BAX: variants seen among roughly 807,000 people sequenced by gnomAD.
BAX encodes apoptosis regulator BAX.
A neutral mutation model predicts 26.8 loss-of-function variants in BAX; 21 were observed. The observed-to-expected ratio is 0.78, with a 90% CI of 0.56 to 1.13. BAX has a LOEUF of 1.13. Ranked by LOEUF, BAX falls within the 50% of genes most tolerant of loss-of-function variation. The pLI is 0.00. For synonymous variants in BAX, 110 were observed against 101.8 expected, an observed-to-expected ratio of 1.08 and a Z score of -0.49; for missense variants, 236 against 254.6, an observed-to-expected ratio of 0.93 and a Z score of 0.50.
chr19:48,960,949 G>A (rs141194773), intron 5 of BAX, 35 bp downstream of exon 5: 15 of 1,612,576 alleles, frequency 9.3e-6, no homozygotes, highest in Middle Eastern at 1.7e-4. Flanking sequence ...CCCCACCACC[G>A]CGCCCTCACC....
chr19:48,961,263 TC>T (rs200173550), intron 5 of BAX: 15 of 1,405,298 alleles, frequency 1.1e-5, no homozygotes, highest in Admixed American at 2.9e-5. Context: ...TTTTTTTTTT[TC>T]CCCACTGAGA....
Position 48,960,915 on chromosome 19 carries a change from G to T in BAX, c.474+1G>T. On this transcript the variant is annotated splice_donor_variant, in intron 5 of 5. Transcript: ENST00000345358. LOFTEE classifies it high-confidence loss of function. ...CTGGATCCAAGACCAGGGTGGTTGG[G>T]TGAGACTCCTCAAGCCTCCTCACCC... The T allele has an allele frequency of 6.2e-7, 1 of 1,613,918 alleles. No homozygotes were observed. Among genetic ancestry groups the T allele is most frequent in the Non-Finnish European group, 8.5e-7 (1 of 1,179,984 alleles).
chr19:48,961,590 CG>C lies in BAX; in HGVS notation c.536del (p.Gly179GlufsTer62). On this transcript the variant is annotated frameshift_variant, in exon 6 of 6. Transcript: ENST00000345358. LOFTEE classifies it high-confidence loss of function. ...PTWQTVTIFVAGVLTASLTIW... is the reference protein window; with the variant it reads ...PTWQTVTIFVXGVLTASLTIW... ...TGGCAGACCGTGACCATCTTTGTGG[CG>C]GGAGTGCTCACCGCCTCACTCACCA... 1 of 1,604,182 alleles carries C rather than the reference CG, an allele frequency of 6.2e-7. No homozygotes were observed. Among genetic ancestry groups the C allele is most frequent in the Non-Finnish European group, 8.5e-7 (1 of 1,175,224 alleles).
intron 3 of BAX, 84 bp from the exon 4 acceptor site, chr19:48,956,114 A>C (rs2038118483): frequency 1.4e-6 from 2 of 1,422,886 alleles, no homozygotes; most frequent in Non-Finnish European, 1.9e-6. Flanking sequence ...CAGTCTCCTT[A>C]TCTTTAGTGT....
chr19:48,960,105 GT>G, intron 4 of BAX: 1 of 340,150 alleles, frequency 2.9e-6, no homozygotes, highest in Non-Finnish European at 5.8e-6. Context: ...GTGCCTTCGG[GT>G]CTTCATCCTG....
chr19:48,955,720 G>C lies in BAX; in HGVS notation c.120G>C (p.Gly40=), dbSNP rs772133190. 4 of 1,612,800 alleles carry C rather than the reference G, an allele frequency of 2.5e-6. No homozygotes were observed. In the Admixed American group the frequency reaches 6.7e-5, roughly 27 times the overall value. ...AGGATCGAGCAGGGCGAATGGGGGG[G>C]GAGGCACCCGAGCTGGCCCTGGACC... is the stretch of plus-strand genomic sequence containing the variant. The part of the protein sequence containing the change: ...FIQDRAGRMG[G]EAPELALDPV... The change falls in exon 3 of 6, where the codon GGG becomes GGC. Residue 40 remains glycine, a synonymous_variant. Coordinates refer to ENST00000345358, the MANE Select transcript of BAX (RefSeq NM_138761.4).
At chr19:48,961,299 T>A in intron 5 of BAX, 1 of 1,401,112 alleles carries the variant, frequency 7.1e-7, no homozygotes, top group Non-Finnish European at 9.4e-7. Flanking sequence ...GTTGCCCAGG[T>A]TGGTCTCGAA....
At position 48,961,749 on chromosome 19, in the gene BAX, G is replaced by C; in HGVS notation, c.*113G>C. ...TTCTTACTTTTGTAATTATTGGGGG[G>C]TGTGGGGAAGAGTGGTCTTGAGGGG... is the stretch of plus-strand genomic sequence containing the variant. On this transcript the variant is annotated 3_prime_UTR_variant, in exon 6 of 6. Transcript: ENST00000345358. 9 of 923,190 alleles carry C rather than the reference G, an allele frequency of 9.7e-6. No homozygotes were observed. Among genetic ancestry groups the C allele is most frequent in the South Asian group, 1.6e-5 (1 of 63,422 alleles). The allele number at this position is 923,190 out of a possible 1,614,324, so 57.2% of individuals were successfully genotyped here.
intron 4 of BAX, among the ~76,000 whole-genome samples, chr19:48,958,345 ATTT>A (rs34043541): frequency 1.7e-3 from 108 of 64,458 alleles, no homozygotes; most frequent in African/African-American, 5.0e-3. Flanking sequence ...TTTTTGGAAG[ATTT>A]TTTTTTTTTT....
intron 5 of BAX, 142 bp downstream of exon 5, chr19:48,961,056 T>A: frequency 6.2e-7 from 1 of 1,609,808 alleles, no homozygotes; most frequent in East Asian, 2.2e-5. Flanking sequence ...CATCTTCAGA[T>A]CATCAGATGT....
At chr19:48,961,359 T>A in intron 5 of BAX, 173 bp from the exon 6 acceptor site, 1 of 1,268,004 alleles carries the variant, frequency 7.9e-7, no homozygotes, top group Non-Finnish European at 1.1e-6. Context: ...AGTGCTGGGA[T>A]TACAGGTGTG....
intron 4 of BAX, among the ~76,000 whole-genome samples, chr19:48,958,247 C>A (rs2038214101): frequency 6.6e-6 from 1 of 151,612 alleles, no homozygotes; most frequent in Non-Finnish European, 1.5e-5. Flanking sequence ...TGCCACCACG[C>A]CCCACTAACT....
chr19:48,960,942 CA>C, intron 5 of BAX, 28 bp downstream of exon 5: 1 of 1,613,274 alleles, frequency 6.2e-7, no homozygotes, highest in Admixed American at 1.7e-5. Flanking sequence ...TCCTCACCCC[CA>C]CCACCGCGCC....
Position 48,954,882 on chromosome 19 carries a change from G to C in BAX, c.-47G>C. 8.2e-7 allele frequency: 1 copy of C among 1,224,634 alleles called. No homozygotes were observed. 75.9% of individuals were successfully genotyped at this position (1,224,634 alleles called of 1,614,324 possible). A position where few individuals can be genotyped will look rare whatever the true frequency, so the allele number is the denominator to read the frequency against. On this transcript the variant is annotated 5_prime_UTR_variant, in exon 1 of 6. Transcript: ENST00000345358. The stretch of plus-strand genomic sequence containing the variant: ...CTCTCACGTGACCCGGGCGCGCTGC[G>C]GCCGCCCGCGCGGACCCGGCGAGAG...
intron 5 of BAX, chr19:48,961,137 C>A (rs767380946): frequency 1.3e-5 from 20 of 1,545,600 alleles, no homozygotes; most frequent in Middle Eastern, 1.7e-4. Context: ...CTCCCAGTGA[C>A]CCCTGACCTC....
At chr19:48,961,089 C>A in intron 5 of BAX, 175 bp downstream of exon 5, 3 of 1,588,174 alleles carry the variant, frequency 1.9e-6, no homozygotes, top group Non-Finnish European at 1.7e-6. Context: ...GTTTTCCTTA[C>A]GTGTCTGATC....
At chr19:48,960,357 C>A (rs1301322619) in intron 4 of BAX, 3 of 349,482 alleles carry the variant, frequency 8.6e-6, no homozygotes, top group Non-Finnish European at 1.7e-5. Context: ...CCACACCCAG[C>A]TAATTTTTGT....
At chr19:48,958,284 C>T (rs867659145) in intron 4 of BAX, among the ~76,000 whole-genome samples, 3 of 148,568 alleles carry the variant, frequency 2.0e-5, no homozygotes, top group African/African-American at 5.0e-5. Flanking sequence ...TCTATAGAGA[C>T]GGGGTCTCGC....
intron 4 of BAX, among the ~76,000 whole-genome samples, chr19:48,958,283 A>G (rs2038215096): frequency 6.8e-6 from 1 of 147,662 alleles, no homozygotes. Context: ...TTCTATAGAG[A>G]CGGGGTCTCG....
Sources: allele counts gnomAD v4.1 joint callset (sites outside exome capture counted in the v4.1 genomes callset), GRCh38; gene constraint gnomAD v4.1.1; transcripts MANE v1.5; gene names NCBI Gene and HGNC (gene_info 2026-07-23, HGNC 2026-07-21).